Variants in ENTHD1 observed in about 807,000 individuals in gnomAD.
ENTHD1 encodes ENTH domain containing 1.
ENTHD1 carries 23 observed loss-of-function variants against 39.1 expected under a neutral mutation model. That is an observed-to-expected ratio of 0.59 (90% confidence interval 0.42 to 0.83). The LOEUF is 0.83. Ranked by LOEUF, ENTHD1 falls within the 40% of genes least tolerant of loss-of-function variation. The pLI, the probability that ENTHD1 is intolerant of heterozygous loss-of-function variation, is 0.00. For missense variants in ENTHD1, 624 were observed against 705.4 expected (o/e 0.88, Z 1.31); for synonymous variants, 230 against 258.2 (o/e 0.89, Z 1.05).
rs944763863 is a variant in ENTHD1 at position 39,877,311 on chromosome 22, C to T, written c.349+10089G>A. On this transcript the variant is annotated intron_variant, in intron 2 of 6. Coordinates refer to ENST00000325157, the MANE Select transcript of ENTHD1 (RefSeq NM_152512.4). ...ATCCTTGACCTAAACAACTTAGAAA[C>T]GGATAAAAAAAAGGATAAACCTGAC... Among the ~76,000 whole-genome samples, 7 of 151,904 alleles carry T rather than the reference C, an allele frequency of 4.6e-5. No individual in the cohort carries two copies. The South Asian group carries it at 6.2e-4, about 13-fold the overall frequency.
chr22:39,765,949 C>CT (rs1300804758), intron 5 of ENTHD1, among the ~76,000 whole-genome samples: 1 of 128,272 alleles, frequency 7.8e-6, no homozygotes, highest in Non-Finnish European at 1.6e-5. Flanking sequence ...CAACTTTCAT[C>CT]TTTTTTACAA....
At chr22:39,814,087 T>G (rs1279888605) in intron 5 of ENTHD1, among the ~76,000 whole-genome samples, 1 of 151,990 alleles carries the variant, frequency 6.6e-6, no homozygotes, top group Non-Finnish European at 1.5e-5. Context: ...AAATGTCACT[T>G]CTCCGAATTG....
intron 5 of ENTHD1, among the ~76,000 whole-genome samples, chr22:39,791,928 C>T (rs576019618): frequency 6.0e-4 from 92 of 152,088 alleles, no homozygotes; most frequent in African/African-American, 2.2e-3. Context: ...TATTCTTCCT[C>T]TCTTTCTGTC....
At chr22:39,829,341 A>G (rs999254847) in intron 4 of ENTHD1, among the ~76,000 whole-genome samples, 8 of 152,194 alleles carry the variant, frequency 5.3e-5, no homozygotes, top group African/African-American at 1.9e-4. Context: ...CTCTGAAGTA[A>G]GAAAAAAACA....
In ENTHD1 at chr22:39,807,940, A is replaced by C. The variant is rs150805761; in HGVS notation, c.832+13053T>G. Among the ~76,000 whole-genome samples the C allele has an allele frequency of 7.1e-3, 1,079 of 151,758 alleles. 7 individuals are homozygous for C. Among genetic ancestry groups the C allele is most frequent in the Non-Finnish European group, 8.5e-3 (580 of 67,898 alleles). On this transcript the variant is annotated intron_variant, in intron 5 of 6. Coordinates refer to ENST00000325157, the MANE Select transcript of ENTHD1 (RefSeq NM_152512.4). The stretch of plus-strand genomic sequence containing the variant: ...ATATATATACTGGGTCATGACATAA[A>C]AGGCATTTCTGACTGTGGGTCACAG...
intron 2 of ENTHD1, among the ~76,000 whole-genome samples, chr22:39,884,991 G>T (rs2066368536): frequency 6.6e-6 from 1 of 152,096 alleles, no homozygotes; most frequent in South Asian, 2.1e-4. Flanking sequence ...TAACCAAGGG[G>T]AAAAATAGAT....
chr22:39,789,319 T>G (rs1032245098), intron 5 of ENTHD1, among the ~76,000 whole-genome samples: 1 of 152,198 alleles, frequency 6.6e-6, no homozygotes, highest in African/African-American at 2.4e-5. Context: ...CTTGCTCCCC[T>G]CACCAAATAC....
At chr22:39,877,564 A>G (rs867184128) in intron 2 of ENTHD1, among the ~76,000 whole-genome samples, 2 of 152,196 alleles carry the variant, frequency 1.3e-5, no homozygotes, top group Non-Finnish European at 2.9e-5. Flanking sequence ...AGCCTGAACT[A>G]TAACTGAGAG....
chr22:39,830,766 A>G (rs1489433312), intron 4 of ENTHD1, among the ~76,000 whole-genome samples: 1 of 152,248 alleles, frequency 6.6e-6, no homozygotes, highest in Non-Finnish European at 1.5e-5. Flanking sequence ...AGTGGGAGAA[A>G]CAGACAACAA....
At chr22:39,886,602 A>T (rs2066381016) in intron 2 of ENTHD1, among the ~76,000 whole-genome samples, 1 of 152,148 alleles carries the variant, frequency 6.6e-6, no homozygotes, top group Non-Finnish European at 1.5e-5. Flanking sequence ...TCCCAGAGAG[A>T]ATGCTCTGAA....
chr22:39,838,066 T>G (rs1055018027), intron 3 of ENTHD1, among the ~76,000 whole-genome samples: 1 of 152,214 alleles, frequency 6.6e-6, no homozygotes, highest in Non-Finnish European at 1.5e-5. Context: ...TGAAAGTATA[T>G]TTACAGCATA....
At chr22:39,842,508 C>T (rs1446672881) in intron 3 of ENTHD1, among the ~76,000 whole-genome samples, 2 of 152,168 alleles carry the variant, frequency 1.3e-5, no homozygotes, top group African/African-American at 2.4e-5. Context: ...TGCTGATACC[C>T]TTTCTTCCAG....
At chr22:39,856,359 C>T (rs1371759826) in intron 3 of ENTHD1, among the ~76,000 whole-genome samples, 1 of 151,212 alleles carries the variant, frequency 6.6e-6, no homozygotes, top group African/African-American at 2.4e-5. Flanking sequence ...TTTCTTTCTT[C>T]CTTTAAAATA....
chr22:39,873,738 G>T (rs1209453970), intron 2 of ENTHD1, among the ~76,000 whole-genome samples: 1 of 152,196 alleles, frequency 6.6e-6, no homozygotes, highest in African/African-American at 2.4e-5. Context: ...ATACCATACA[G>T]ATAAGAATGA....
intron 5 of ENTHD1, among the ~76,000 whole-genome samples, chr22:39,797,248 C>T (rs2065558122): frequency 6.6e-6 from 1 of 152,152 alleles, no homozygotes; most frequent in African/African-American, 2.4e-5. Context: ...TATGTCTTTA[C>T]AGGTAAAGTG....
intron 2 of ENTHD1, among the ~76,000 whole-genome samples, chr22:39,873,432 G>C (rs774275355): frequency 1.3e-5 from 2 of 152,106 alleles, no homozygotes; most frequent in African/African-American, 4.8e-5. Context: ...TAGTATTTCA[G>C]TGAAACCCCA....
chr22:39,781,040 A>C (rs1010051485), intron 5 of ENTHD1, among the ~76,000 whole-genome samples: 1 of 152,036 alleles, frequency 6.6e-6, no homozygotes, highest in Non-Finnish European at 1.5e-5. Context: ...GGATCAACAG[A>C]CTGCAACACA....
rs1024870075 is a variant in ENTHD1 at position 39,780,397 on chromosome 22, G to A, written c.833-14788C>T. On this transcript the variant is annotated intron_variant, in intron 5 of 6. Transcript: ENST00000325157. ...TCTCAAAAAAAAAAAAAATACTGTGGACTCAATTCTCCAATTAAAAGGCAT... is the reference window on the plus strand; with the variant it reads ...TCTCAAAAAAAAAAAAAATACTGTGAACTCAATTCTCCAATTAAAAGGCAT... 6.0e-5 allele frequency among the ~76,000 whole-genome samples: 9 copies of A among 150,980 alleles called. No individual in the cohort carries two copies. The Middle Eastern group carries it at 0.01, about 171-fold the overall frequency.
At chr22:39,820,497 C>T (rs1156724376) in intron 5 of ENTHD1, among the ~76,000 whole-genome samples, 1 of 152,092 alleles carries the variant, frequency 6.6e-6, no homozygotes, top group Non-Finnish European at 1.5e-5. Flanking sequence ...CAGTCAGATC[C>T]TCAAGGATCC....
Sources: gnomAD v4.1 joint callset for allele counts (sites outside exome capture counted in the v4.1 genomes callset) on GRCh38, gnomAD v4.1.1 for gene constraint, MANE v1.5 for transcripts, NCBI Gene and HGNC (gene_info 2026-07-23, HGNC 2026-07-21) for gene names.